Variants in BSG observed in about 807,000 individuals in gnomAD.
The protein encoded by BSG is basigin.
In BSG, 37 loss-of-function variants were observed where a neutral mutation model predicts 43.1. That is an observed-to-expected ratio of 0.86 (90% CI 0.66 to 1.13). BSG has a LOEUF of 1.13. BSG is among the 50% of genes most tolerant of loss of function. The pLI is 0.00. For synonymous variants in BSG, 309 were observed against 238.7 expected, an observed-to-expected ratio of 1.29 and a Z score of -2.72; for missense variants, 599 against 554.2, an observed-to-expected ratio of 1.08 and a Z score of -0.81.
rs1982444252 is a variant in BSG at position 582,743 on chromosome 19, T to C, written c.*6-7T>C. On this transcript the variant is annotated splice_region_variant and splice_polypyrimidine_tract_variant and intron_variant, in intron 8 of 8. Transcript: ENST00000333511. ...GGTCCAGTCTGAGCGCCCCTCCCTG[T>C]CCACAGGTGGCCCGAGGACGCTCCC... 1.3e-6 allele frequency: 1 copy of C among 747,722 alleles called. No homozygotes were observed. The highest frequency in any genetic ancestry group is 1.8e-5 in the African/African-American group (1 of 56,602). 46.3% of individuals were successfully genotyped at this position (747,722 alleles called of 1,614,324 possible).
Position 577,808 on chromosome 19 carries a change from G to C in BSG, c.102G>C (p.Arg34Ser). ...TCCAGGCGCCGCTGTCCCAGCAGAGGTGGGTGGGGGGCAGTGTGGAGCTGC... is the reference window on the plus strand; with the variant it reads ...TCCAGGCGCCGCTGTCCCAGCAGAGCTGGGTGGGGGGCAGTGTGGAGCTGC... ...GFVQAPLSQQ[R>S]WVGGSVELHC... Residue 34 changes from arginine (R) to serine (S), a missense_variant, in exon 2 of 9, where the codon AGG becomes AGC. Physicochemically the swap from Arg to Ser is moderately radical, Grantham distance 110. Coordinates refer to ENST00000333511, the MANE Select transcript of BSG (RefSeq NM_001728.4). 1 of 1,453,766 alleles carries C rather than the reference G, an allele frequency of 6.9e-7. No individual in the cohort carries two copies. The highest frequency in any genetic ancestry group is 9.1e-7 in the Non-Finnish European group (1 of 1,095,978). 90.1% of individuals were successfully genotyped at this position (1,453,766 alleles called of 1,614,324 possible). A position where few individuals can be genotyped will look rare whatever the true frequency, so the allele number is the denominator to read the frequency against.
At chr19:577,631 G>A (rs1981887378) in intron 1 of BSG, 143 bp from the exon 2 acceptor site, 1 of 617,498 alleles carries the variant, frequency 1.6e-6, no homozygotes, top group Non-Finnish European at 2.4e-6. Flanking sequence ...TTCCAGCCGG[G>A]CCCCATCACT....
intron 1 of BSG, among the ~76,000 whole-genome samples, chr19:573,687 A>AC (rs1981497542): frequency 1.3e-5 from 2 of 151,784 alleles, no homozygotes; most frequent in Non-Finnish European, 2.9e-5. Flanking sequence ...GCCCTGTGGG[A>AC]AGTCGAGGTT....
intron 7 of BSG, 54 bp downstream of exon 7, chr19:582,384 G>T: frequency 3.1e-6 from 5 of 1,594,772 alleles, no homozygotes; most frequent in Non-Finnish European, 4.3e-6. Flanking sequence ...GCTGCCCCAG[G>T]CCTTTAAAAC....
In BSG at chr19:579,656, A is replaced by G. The variant is rs763628599; in HGVS notation, c.572A>G (p.Lys191Arg). 26 of 1,606,846 alleles carry G rather than the reference A, an allele frequency of 1.6e-5. No individual in the cohort carries two copies. Among genetic ancestry groups the G allele is most frequent in the Non-Finnish European group, 2.1e-5 (25 of 1,176,800 alleles). ...CTGCCCGGCCAGAAAACGGAGTTCAAGTGAGTGCCTGACCACGCCATGCCG... is the reference window on the plus strand; with the variant it reads ...CTGCCCGGCCAGAAAACGGAGTTCAGGTGAGTGCCTGACCACGCCATGCCG... Reference protein sequence around the residue: ...DALPGQKTEFKVDSDDQWGEY... With the variant: ...DALPGQKTEFRVDSDDQWGEY... The change falls in exon 3 of 9, where the codon AAG (lysine) becomes AGG (arginine). Residue 191 changes from lysine to arginine, a missense_variant and splice_region_variant. Lys to Arg is a conservative substitution (Grantham distance 26). Coordinates refer to ENST00000333511, the MANE Select transcript of BSG (RefSeq NM_001728.4).
At chr19:577,269 C>T (rs2145893023) in intron 1 of BSG, among the ~76,000 whole-genome samples, 1 of 152,308 alleles carries the variant, frequency 6.6e-6, no homozygotes, top group South Asian at 2.1e-4. Flanking sequence ...TCGCCGCCCT[C>T]AGAGATTGCT....
chr19:574,415 T>A (rs1470129814), intron 1 of BSG, among the ~76,000 whole-genome samples: 1 of 152,010 alleles, frequency 6.6e-6, no homozygotes, highest in Admixed American at 6.6e-5. Context: ...TAGCCTGGCG[T>A]GGTGGCGGGC....
chr19:571,664 C>G (rs576119728), upstream of BSG: 182 of 764,402 alleles, frequency 2.4e-4, no homozygotes, highest in African/African-American at 2.1e-3. Context: ...GAGAAACCAG[C>G]ACTTAGAAAA....
At chr19:578,178 C>CCTCCCGG (rs1600488065) in intron 2 of BSG, 57 bp downstream of exon 2, 7 of 1,428,120 alleles carry the variant, frequency 4.9e-6, no homozygotes, top group East Asian at 2.5e-5. Flanking sequence ...GTGCCGCTCG[C>CCTCCCGG]CTCCCGGCTC....
At chr19:581,974 C>T (rs28992485) in intron 6 of BSG, among the ~76,000 whole-genome samples, 21,127 of 152,302 alleles carry the variant, frequency 0.14, 1,691 homozygotes, top group South Asian at 0.26. Flanking sequence ...CTCGCGGAGC[C>T]CTTCTGCCCC....
At chr19:572,592 C>T (rs1445438742), upstream of BSG, 4 of 1,449,108 alleles carry the variant, frequency 2.8e-6, no homozygotes, top group African/African-American at 1.5e-5. Context: ...CGGGCGGCGG[C>T]GGCAGCGGTT....
At position 572,634 on chromosome 19, in the gene BSG, C is replaced by A; in HGVS notation, c.-1C>A. 1 of 1,499,776 alleles carries A rather than the reference C, an allele frequency of 6.7e-7. No homozygotes were observed. Among genetic ancestry groups the A allele is most frequent in the Non-Finnish European group, 8.9e-7 (1 of 1,122,372 alleles). The allele number at this position is 1,499,776 out of a possible 1,614,324, so 92.9% of individuals were successfully genotyped here. On this transcript the variant is annotated 5_prime_UTR_variant, in exon 1 of 9. Transcript: ENST00000333511. ...TGTAGGACCGGCGAGGAATAGGAAT[C>A]ATGGCGGCTGCGCTGTTCGTGCTGC...
chr19:571,623 A>G (rs747515269), upstream of BSG: 9 of 779,164 alleles, frequency 1.2e-5, no homozygotes, highest in Non-Finnish European at 2.2e-5. Context: ...TCCAAATGGG[A>G]TATTTGGGGG....
intron 6 of BSG, among the ~76,000 whole-genome samples, chr19:581,847 G>A (rs887195173): frequency 9.2e-5 from 14 of 152,230 alleles, no homozygotes; most frequent in African/African-American, 2.7e-4. Flanking sequence ...CTTCCCTCCC[G>A]CTCACTTGGC....
chr19:581,410 C>T lies in BSG; in HGVS notation c.888C>T (p.Pro296=), dbSNP rs374021518. The change falls in exon 6 of 9, where the codon CCC becomes CCT. Residue 296 remains proline, a synonymous_variant. Transcript: ENST00000333511. ...AGAACCTGAACATGGAGGCCGACCC[C>T]GGCCAGTACCGGTGCAACGGCACCA... ...HIENLNMEAD[P]GQYRCNGTSS... is the part of the protein sequence containing the mutation. 36 of 1,612,656 alleles carry T rather than the reference C, an allele frequency of 2.2e-5. No individual in the cohort carries two copies. Among genetic ancestry groups the T allele is most frequent in the African/African-American group, 1.9e-4 (14 of 74,946 alleles).
chr19:572,599 G>C lies in BSG; in HGVS notation c.-36G>C. On this transcript the variant is annotated 5_prime_UTR_variant, in exon 1 of 9. Coordinates refer to ENST00000333511, the MANE Select transcript of BSG (RefSeq NM_001728.4). ...AGCGGCCGCGGGCGGCGGCGGCAGC[G>C]GTTGGAGGTTGTAGGACCGGCGAGG... 2.7e-6 allele frequency: 4 copies of C among 1,463,566 alleles called. No individual in the cohort carries two copies. Among genetic ancestry groups the C allele is most frequent in the East Asian group, 3.0e-5 (1 of 33,528 alleles). 90.7% of individuals were successfully genotyped at this position (1,463,566 alleles called of 1,614,324 possible). A position where few individuals can be genotyped will look rare whatever the true frequency, so the allele number is the denominator to read the frequency against.
intron 1 of BSG, among the ~76,000 whole-genome samples, chr19:574,122 GCGCACGCCTGTAAT>G (rs1981544155): frequency 6.6e-6 from 1 of 152,052 alleles, no homozygotes; most frequent in Non-Finnish European, 1.5e-5. Flanking sequence ...GGGCGTGTTG[GCGCACGCCTGTAAT>G]CCCAGCCACT....
At chr19:578,233 G>A (rs552797010) in intron 2 of BSG, 112 bp downstream of exon 2, 28 of 1,159,904 alleles carry the variant, frequency 2.4e-5, no homozygotes, top group Middle Eastern at 2.3e-4. Context: ...CCGTCCCGCT[G>A]TGCCCCGTTG....
chr19:580,435 T>C lies in BSG; in HGVS notation c.629T>C (p.Met210Thr), dbSNP rs967163989. The C allele has an allele frequency of 6.2e-7, 1 of 1,611,038 alleles. No individual in the cohort carries two copies. Among genetic ancestry groups the C allele is most frequent in the South Asian group, 1.1e-5 (1 of 91,076 alleles). Reference protein sequence around the residue: ...EYSCVFLPEPMGTANIQLHGP... With the variant: ...EYSCVFLPEPTGTANIQLHGP... ...TCCTGCGTCTTCCTCCCCGAGCCCA[T>C]GGGCACGGCCAACATCCAGCTCCAC... Residue 210 changes from methionine (M) to threonine (T), a missense_variant, in exon 4 of 9, where the codon ATG becomes ACG. Coordinates refer to ENST00000333511, the MANE Select transcript of BSG (RefSeq NM_001728.4).
Sources: gnomAD v4.1 joint callset for allele counts (sites outside exome capture counted in the v4.1 genomes callset) on GRCh38, gnomAD v4.1.1 for gene constraint, MANE v1.5 for transcripts, NCBI Gene and HGNC (gene_info 2026-07-23, HGNC 2026-07-21) for gene names.